RASAL2: variants seen among roughly 807,000 people sequenced by gnomAD.
The protein encoded by RASAL2 is ras GTPase-activating protein nGAP.
A neutral mutation model predicts 128.9 loss-of-function variants in RASAL2; 58 were observed. That is an observed-to-expected ratio of 0.45 (90% CI 0.36 to 0.56). The LOEUF is 0.56. RASAL2 is among the 20% of genes least tolerant of loss of function. The pLI is 0.00. For missense variants in RASAL2, 1,360 were observed against 1,601.6 expected (o/e 0.85, Z 2.57); for synonymous variants, 561 against 580.8 (o/e 0.97, Z 0.49).
rs537641386 is a variant in RASAL2 at position 178,217,430 on chromosome 1, A to T, written c.203-66134A>T. ...CATTTGTTAAAATAGATGAACCCAC[A>T]TCAACACATCATCACCACCCAAAGT... is the stretch of plus-strand genomic sequence containing the variant. On this transcript the variant is annotated intron_variant, in intron 1 of 17. Transcript: ENST00000367649. 6.0e-4 allele frequency among the ~76,000 whole-genome samples: 92 copies of T among 152,348 alleles called. 3 individuals carry two copies. In the South Asian group the frequency reaches 0.016, roughly 26 times the overall value.
chr1:178,142,389 CCTGT>C (rs1342733133), intron 1 of RASAL2, among the ~76,000 whole-genome samples: 10 of 152,106 alleles, frequency 6.6e-5, no homozygotes, highest in African/African-American at 2.4e-4. Flanking sequence ...GGACAGGTTC[CCTGT>C]AATGTTTTAA....
Position 178,294,471 on chromosome 1 carries a change from T to G in RASAL2, c.331-5521T>G, listed in dbSNP as rs1319135047. 5.3e-5 allele frequency among the ~76,000 whole-genome samples: 8 copies of G among 152,166 alleles called. No individual in the cohort carries two copies. The East Asian group carries it at 9.6e-4, about 18-fold the overall frequency. ...GCAGAACGTCCCAGGCAGATACCAGTGAAGAAACTGTTGCAGGAGTTTAAT... is the reference window on the plus strand; with the variant it reads ...GCAGAACGTCCCAGGCAGATACCAGGGAAGAAACTGTTGCAGGAGTTTAAT... On this transcript the variant is annotated intron_variant, in intron 2 of 17. Coordinates refer to ENST00000367649, the MANE Select transcript of RASAL2 (RefSeq NM_170692.4).
intron 1 of RASAL2, among the ~76,000 whole-genome samples, chr1:178,248,233 C>G (rs768380265): frequency 6.6e-6 from 1 of 152,130 alleles, no homozygotes; most frequent in Non-Finnish European, 1.5e-5. Context: ...TGATAACTTG[C>G]TTTATGAATC....
intron 3 of RASAL2, among the ~76,000 whole-genome samples, chr1:178,347,468 A>G (rs1670209769): frequency 6.6e-6 from 1 of 152,184 alleles, no homozygotes; most frequent in African/African-American, 2.4e-5. Flanking sequence ...ATAATATATA[A>G]CAGGCTCCTA....
intron 2 of RASAL2, among the ~76,000 whole-genome samples, chr1:178,289,838 T>C (rs1667197203): frequency 1.3e-5 from 2 of 152,206 alleles, no homozygotes; most frequent in South Asian, 4.1e-4. Context: ...CATCGTTATT[T>C]CATGAGTACA....
chr1:178,360,399 G>A (rs1047756711), intron 3 of RASAL2, among the ~76,000 whole-genome samples: 58 of 152,152 alleles, frequency 3.8e-4, no homozygotes, highest in African/African-American at 1.1e-3. Context: ...TGCCTTCTGC[G>A]TGTGTTCCAG....
Position 178,260,364 on chromosome 1 carries a change from ATATATATATATATATAT to A in RASAL2, c.203-23199_203-23183del, listed in dbSNP as rs1278897693. ...GAGACTCGTCTCAAAAAAAAAAAAA[ATATATATATATATATAT>A]ATATATATATATATATATATATATA... On this transcript the variant is annotated intron_variant, in intron 1 of 17. Transcript: ENST00000367649. Among the ~76,000 whole-genome samples, 10 of 19,620 alleles carry A rather than the reference ATATATATATATATATAT, an allele frequency of 5.1e-4. 4 individuals are homozygous for A. Among genetic ancestry groups the A allele is most frequent in the African/African-American group, 1.0e-3 (6 of 5,828 alleles). The allele number at this position is 19,620 out of a possible 152,430, so 12.9% of individuals were successfully genotyped here.
At chr1:178,235,757 G>T (rs1326748957) in intron 1 of RASAL2, among the ~76,000 whole-genome samples, 2 of 152,058 alleles carry the variant, frequency 1.3e-5, no homozygotes, top group Non-Finnish European at 2.9e-5. Context: ...CTTCTTTCTG[G>T]CCTAGTGTCT....
At position 178,114,183 on chromosome 1, in the gene RASAL2, G is replaced by C. The variant is rs1659442909; in HGVS notation, c.202+19489G>C. On this transcript the variant is annotated intron_variant, in intron 1 of 17. Transcript: ENST00000367649. ...GTAATCAGGATACCTTTTATTTCTTGCTTGATTACATTGGCTAGAACTTCC... is the reference window on the plus strand; with the variant it reads ...GTAATCAGGATACCTTTTATTTCTTCCTTGATTACATTGGCTAGAACTTCC... 2.6e-5 allele frequency among the ~76,000 whole-genome samples: 4 copies of C among 151,694 alleles called. No individual in the cohort carries two copies. In the South Asian group the frequency reaches 8.3e-4, roughly 32 times the overall value.
In RASAL2 at chr1:178,390,226, A is replaced by G. The variant is rs762483066; in HGVS notation, c.564+20A>G. 5 of 1,548,294 alleles carry G rather than the reference A, an allele frequency of 3.2e-6. No individual in the cohort carries two copies. The highest frequency in any genetic ancestry group is 2.7e-6 in the Non-Finnish European group (3 of 1,127,898). ...GTACCAGTAAGTGTTTATCTTCTTT[A>G]TAAGAATATTTTACTTTTCCTTTTC... is the stretch of plus-strand genomic sequence containing the variant. On this transcript the variant is annotated intron_variant, in intron 4 of 17. Transcript: ENST00000367649.
rs756359216 is a variant in RASAL2 at position 178,390,156 on chromosome 1, G to A, written c.514G>A (p.Glu172Lys). Residue 172 changes from glutamate to lysine, a missense_variant, in exon 4 of 18, where the codon GAG becomes AAG. Glu to Lys is a moderately conservative substitution (Grantham distance 56). This residue lies in a region of RASAL2 where 617 missense variants were observed against 714.2 expected (regional missense o/e 0.86). Transcript: ENST00000367649. ...GAGTATCTCAGGGACCAGTACATCA[G>A]AGAAACCCAACTCCATGGACACTGC... Reference protein sequence around the residue: ...RRSISGTSTSEKPNSMDTANT... With the variant: ...RRSISGTSTSKKPNSMDTANT... 1.2e-6 allele frequency: 2 copies of A among 1,613,412 alleles called. No individual in the cohort carries two copies. Among genetic ancestry groups the A allele is most frequent in the Non-Finnish European group, 1.7e-6 (2 of 1,179,622 alleles).
At chr1:178,331,347 G>A (rs1037342902) in intron 3 of RASAL2, among the ~76,000 whole-genome samples, 1 of 152,034 alleles carries the variant, frequency 6.6e-6, no homozygotes, top group African/African-American at 2.4e-5. Context: ...AAGAGGCAGC[G>A]TTCTATACTC....
chr1:178,194,375 C>G (rs1662590133), intron 1 of RASAL2: 1 of 225,052 alleles, frequency 4.4e-6, no homozygotes, highest in Non-Finnish European at 9.9e-6. Context: ...AGCAAACCAA[C>G]TGGATGTCTT....
At chr1:178,182,833 A>G (rs945577003) in intron 1 of RASAL2, among the ~76,000 whole-genome samples, 9 of 85,442 alleles carry the variant, frequency 1.1e-4, no homozygotes, top group Non-Finnish European at 1.8e-4. Flanking sequence ...GTGGAAGACA[A>G]TTTTTCCATG....
At chr1:178,449,394 G>A (rs1398342127) in intron 9 of RASAL2, among the ~76,000 whole-genome samples, 1 of 152,108 alleles carries the variant, frequency 6.6e-6, no homozygotes, top group African/African-American at 2.4e-5. Flanking sequence ...AGTGGAGGCA[G>A]GTTTCTTTCG....
intron 3 of RASAL2, among the ~76,000 whole-genome samples, chr1:178,314,878 C>T (rs1047186998): frequency 2.4e-4 from 36 of 149,386 alleles, no homozygotes; most frequent in African/African-American, 7.9e-4. Flanking sequence ...CATGCTGGTG[C>T]GCTGCACCCA....
intron 11 of RASAL2, 74 bp downstream of exon 11, chr1:178,452,726 TTGGG>T: frequency 8.9e-6 from 11 of 1,240,890 alleles, no homozygotes; most frequent in Non-Finnish European, 1.3e-5. Flanking sequence ...TGGATGAGGG[TTGGG>T]AGCCTCATCA....
chr1:178,436,326 A>G (rs1676250732), intron 5 of RASAL2, among the ~76,000 whole-genome samples: 1 of 152,082 alleles, frequency 6.6e-6, no homozygotes, highest in South Asian at 2.1e-4. Context: ...AAAATGCCAA[A>G]AGATATGACA....
rs1280223306 is a variant in RASAL2 at position 178,457,024 on chromosome 1, C to T, written c.2390+125C>T. The stretch of plus-strand genomic sequence containing the variant: ...CATGAGCAACTGAAGACTCATCTGA[C>T]CTGAGAGCAGTCCAATTATTTGTCA... On this transcript the variant is annotated intron_variant, in intron 13 of 17. Coordinates refer to ENST00000367649, the MANE Select transcript of RASAL2 (RefSeq NM_170692.4). The T allele has an allele frequency of 8.1e-6, 7 of 866,752 alleles. No individual in the cohort carries two copies. In the African/African-American group the frequency reaches 1.0e-4, roughly 13 times the overall value. 53.7% of individuals were successfully genotyped at this position (866,752 alleles called of 1,614,324 possible). A position where few individuals can be genotyped will look rare whatever the true frequency, so the allele number is the denominator to read the frequency against.
Sources: gnomAD v4.1 joint callset for allele counts (sites outside exome capture counted in the v4.1 genomes callset) on GRCh38, gnomAD v4.1.1 for gene constraint, gnomAD v4.1.1 regional missense constraint, MANE v1.5 for transcripts, NCBI Gene and HGNC (gene_info 2026-07-23, HGNC 2026-07-21) for gene names.